HNRNPA3: variants seen among roughly 807,000 people sequenced by gnomAD.
HNRNPA3 encodes the protein epididymis secretory sperm binding protein.
HNRNPA3 carries 3 observed loss-of-function variants against 45.8 expected under a neutral mutation model. The ratio of observed to expected loss-of-function variants is 0.07; its 90% confidence interval spans 0.03 to 0.17. The LOEUF (loss-of-function observed/expected upper bound fraction) is 0.17, where lower values mean the gene tolerates loss of function less well. HNRNPA3 is among the 10% of genes least tolerant of loss of function. The probability of loss-of-function intolerance (pLI) is 1.00; values close to 1 mark genes in which losing one functional copy is unlikely to be tolerated. For missense variants in HNRNPA3, 183 were observed against 480.3 expected (o/e 0.38, Z 5.79); for synonymous variants, 170 against 155.6 (o/e 1.09, Z -0.69).
chr2:177,222,936 T>G (rs545783564), downstream of HNRNPA3: 1 of 152,760 alleles, frequency 6.5e-6, no homozygotes, highest in Admixed American at 6.5e-5. Context: ...GGGGCCTAAT[T>G]ACTGCTCCTT....
At chr2:177,221,556 A>G (rs1558972740), downstream of HNRNPA3, 1 of 152,662 alleles carries the variant, frequency 6.6e-6, no homozygotes, top group African/African-American at 2.4e-5. Flanking sequence ...AAATCTGTGT[A>G]TGTGACCTGT....
chr2:177,216,679 G>A (rs374858217), exon 6 of HNRNPA3: 6 of 1,614,082 alleles, frequency 3.7e-6, no homozygotes, highest in South Asian at 1.1e-5. Context: ...ATTAAAGGTC[G>A]TGGAGGTGGA....
intron 1 of HNRNPA3, among the ~76,000 whole-genome samples, chr2:177,213,311 A>G (rs555519781): frequency 4.6e-5 from 7 of 152,286 alleles, no homozygotes; most frequent in African/African-American, 1.7e-4. Context: ...TTGGCCCGCA[A>G]TGGCCGCCGC....
In HNRNPA3 at chr2:177,215,525, G is replaced by C; in HGVS notation, c.73-14G>C. ...ACTGTAAGGTAACTTAAGAGTATTG[G>C]TTCTTTCTCTCAGGGCCATGATCCA... is the stretch of plus-strand genomic sequence containing the variant. On this transcript the variant is annotated splice_polypyrimidine_tract_variant and intron_variant, in intron 1 of 10. Coordinates refer to ENST00000392524, the Ensembl canonical transcript of HNRNPA3. 3.1e-6 allele frequency: 5 copies of C among 1,613,566 alleles called. No individual in the cohort carries two copies. Among genetic ancestry groups the C allele is most frequent in the South Asian group, 1.1e-5 (1 of 91,052 alleles).
At chr2:177,216,626 A>C in intron 5 of HNRNPA3, 34 bp downstream of exon 5, 6 of 1,611,612 alleles carry the variant, frequency 3.7e-6, no homozygotes, top group Non-Finnish European at 5.1e-6. Flanking sequence ...TACAGTGGAT[A>C]TGAGTGGTGT....
In HNRNPA3 at chr2:177,216,857, C is replaced by T. The variant is rs760503676; in HGVS notation, c.740-3C>T. On this transcript the variant is annotated splice_polypyrimidine_tract_variant and splice_region_variant and intron_variant, in intron 6 of 10. Transcript: ENST00000392524. ...TTTTAATTCATTTCTTGTTTTTCCT[C>T]AGGAGGCTATGGTGGTGGAGGTGGT... 2 of 1,611,972 alleles carry T rather than the reference C, an allele frequency of 1.2e-6. No individual in the cohort carries two copies. The highest frequency in any genetic ancestry group is 8.5e-7 in the Non-Finnish European group (1 of 1,179,524).
chr2:177,221,171 A>G (rs1482166104), downstream of HNRNPA3: 5 of 152,774 alleles, frequency 3.3e-5, no homozygotes, highest in East Asian at 5.8e-4. Context: ...ATGGGCATAT[A>G]TGTGAAAAGC....
chr2:177,214,671 C>T lies in HNRNPA3; in HGVS notation c.73-868C>T, dbSNP rs192547121. On this transcript the variant is annotated intron_variant, in intron 1 of 10. Coordinates refer to ENST00000392524, the Ensembl canonical transcript of HNRNPA3. The stretch of plus-strand genomic sequence containing the variant: ...TTAGCTGGGCGCGGTGGCGGGCGCC[C>T]GTAGTCCCAGCTACTCGGGAGGCTG... 3.0e-3 allele frequency among the ~76,000 whole-genome samples: 451 copies of T among 152,188 alleles called. 10 individuals are homozygous for T. In the East Asian group the frequency reaches 0.044, roughly 15 times the overall value.
At chr2:177,217,096 C>T (rs1163068723) in intron 7 of HNRNPA3, among the ~76,000 whole-genome samples, 156 bp downstream of exon 7, 4 of 151,978 alleles carry the variant, frequency 2.6e-5, no homozygotes, top group African/African-American at 9.7e-5. Flanking sequence ...ACCCTTTTTC[C>T]CCTGGAGAGA....
chr2:177,214,766 G>T lies in HNRNPA3; in HGVS notation c.73-773G>T, dbSNP rs575645331. ...GCCGAGATCGCGCCACTGCACTCTA[G>T]CCTGGGCGACAGAGCGAGACTCAGT... On this transcript the variant is annotated intron_variant, in intron 1 of 10. Coordinates refer to ENST00000392524, the Ensembl canonical transcript of HNRNPA3. Among the ~76,000 whole-genome samples, 267 of 152,342 alleles carry T rather than the reference G, an allele frequency of 1.8e-3. 3 individuals are homozygous for T. Among genetic ancestry groups the T allele is most frequent in the African/African-American group, 5.3e-3 (221 of 41,584 alleles).
At chr2:177,215,979 A>T (rs1247337416) in exon 4 of HNRNPA3, 1 of 1,602,284 alleles carries the variant, frequency 6.2e-7, no homozygotes. Context: ...TATTTGTAGG[A>T]TTCTGTAAAG....
At chr2:177,213,238 G>A (rs934052732) in intron 1 of HNRNPA3, among the ~76,000 whole-genome samples, 1 of 152,204 alleles carries the variant, frequency 6.6e-6, no homozygotes, top group African/African-American at 2.4e-5. Context: ...ACATCCGGGC[G>A]AGCGAGCAAG....
At chr2:177,218,262 C>A (rs978767661) in intron 8 of HNRNPA3, among the ~76,000 whole-genome samples, 1 of 151,976 alleles carries the variant, frequency 6.6e-6, no homozygotes, top group Non-Finnish European at 1.5e-5. Context: ...TGGGGTTTCA[C>A]CATGTTAGCC....
chr2:177,213,082 G>T (rs547452196), intron 1 of HNRNPA3, among the ~76,000 whole-genome samples: 3 of 152,290 alleles, frequency 2.0e-5, no homozygotes, highest in African/African-American at 7.2e-5. Flanking sequence ...GCGGCCCCTT[G>T]GAGGCGCGGC....
At chr2:177,216,997 ATTAT>A in intron 7 of HNRNPA3, 57 bp downstream of exon 7, 1 of 1,387,746 alleles carries the variant, frequency 7.2e-7, no homozygotes, top group Non-Finnish European at 9.6e-7. Flanking sequence ...CTTATTGAAA[ATTAT>A]TTATTACACT....
intron 9 of HNRNPA3, 32 bp downstream of exon 9, chr2:177,219,191 C>T (rs756269289): frequency 9.3e-6 from 15 of 1,610,008 alleles, no homozygotes; most frequent in Admixed American, 3.4e-5. Flanking sequence ...TTCTTTAGAG[C>T]CTTTTTAATT....
At position 177,217,698 on chromosome 2, in the gene HNRNPA3, T is replaced by A. The variant is rs200838705; in HGVS notation, c.821-7T>A. 2 of 1,612,336 alleles carry A rather than the reference T, an allele frequency of 1.2e-6. No individual in the cohort carries two copies. The highest frequency in any genetic ancestry group is 3.3e-5 in the Admixed American group (2 of 60,014). On this transcript the variant is annotated splice_region_variant and splice_polypyrimidine_tract_variant and intron_variant, in intron 7 of 10. Coordinates refer to ENST00000392524, the Ensembl canonical transcript of HNRNPA3. ...TTGTGTGGTCTTGTTATTTGTTGTT[T>A]TTTTAGGTGGCAACTATGGCGGTGG...
rs775296699 is a variant in HNRNPA3 at position 177,216,804 on chromosome 2, C to CT, written c.739+34dup. ...GTTTATCTTCTAAGTACATGGATAC[C>CT]TGACATTTTGGTAAGTTGAATATAT... On this transcript the variant is annotated intron_variant, in intron 6 of 10. Transcript: ENST00000392524. 5.0e-6 allele frequency: 8 copies of CT among 1,613,422 alleles called. No individual in the cohort carries two copies. The African/African-American group carries it at 1.1e-4, about 22-fold the overall frequency.
intron 1 of HNRNPA3, among the ~76,000 whole-genome samples, chr2:177,215,320 C>A (rs1445356032): frequency 6.6e-6 from 1 of 152,138 alleles, no homozygotes; most frequent in Non-Finnish European, 1.5e-5. Context: ...GTCTCGAACT[C>A]CTGACCTCAG....
Sources: gnomAD v4.1 joint callset for allele counts (sites outside exome capture counted in the v4.1 genomes callset) on GRCh38, gnomAD v4.1.1 for gene constraint, MANE v1.5 for transcripts, NCBI Gene and HGNC (gene_info 2026-07-23, HGNC 2026-07-21) for gene names.